The following LRMDA variants were observed in gnomAD, a reference collection of about 807,000 sequenced individuals.
LRMDA encodes leucine rich melanocyte differentiation associated.
A neutral mutation model predicts 29.8 loss-of-function variants in LRMDA; 18 were observed. The ratio of observed to expected loss-of-function variants is 0.60; its 90% CI spans 0.42 to 0.90. LRMDA has a LOEUF of 0.90. LRMDA is among the 40% of genes least tolerant of loss of function. The pLI, the probability that LRMDA is intolerant of heterozygous loss-of-function variation, is 0.00. For missense variants in LRMDA, 273 were observed against 273.9 expected, an observed-to-expected ratio of 1.00 and a Z score of 0.02; for synonymous variants, 125 against 109.4, an observed-to-expected ratio of 1.14 and a Z score of -0.89.
intron 2 of LRMDA, among the ~76,000 whole-genome samples, chr10:75,498,355 G>A (rs1169725923): frequency 6.6e-6 from 1 of 152,202 alleles, no homozygotes; most frequent in African/African-American, 2.4e-5. Flanking sequence ...ACAGTCACTT[G>A]TGATATTGTG....
At chr10:76,301,242 T>G (rs1840476611) in intron 5 of LRMDA, among the ~76,000 whole-genome samples, 1 of 152,234 alleles carries the variant, frequency 6.6e-6, no homozygotes, top group African/African-American at 2.4e-5. Context: ...ATGTTTCTAA[T>G]CAGTATCTTC....
At chr10:76,219,790 C>T (rs1851796229) in intron 5 of LRMDA, among the ~76,000 whole-genome samples, 1 of 152,178 alleles carries the variant, frequency 6.6e-6, no homozygotes, top group South Asian at 2.1e-4. Flanking sequence ...CAGAACTCTC[C>T]ACCCCAAATC....
chr10:76,435,664 G>A (rs1047744064), intron 6 of LRMDA, among the ~76,000 whole-genome samples: 144 of 152,168 alleles, frequency 9.5e-4, no homozygotes, highest in African/African-American at 3.1e-3. Context: ...AATCACCCCC[G>A]CTCATCTTAT....
intron 5 of LRMDA, among the ~76,000 whole-genome samples, chr10:76,178,432 C>T (rs901164540): frequency 1.2e-4 from 18 of 152,146 alleles, no homozygotes; most frequent in African/African-American, 4.3e-4. Flanking sequence ...CACCCATTAG[C>T]ACTGCAGCAT....
intron 2 of LRMDA, among the ~76,000 whole-genome samples, chr10:75,562,129 G>C (rs1840305193): frequency 6.6e-6 from 1 of 151,888 alleles, no homozygotes; most frequent in Non-Finnish European, 1.5e-5. Context: ...TTGACAGTGG[G>C]GTGTTAAAGT....
intron 6 of LRMDA, among the ~76,000 whole-genome samples, chr10:76,556,865 T>C (rs566854492): frequency 6.6e-6 from 1 of 152,318 alleles, no homozygotes. Flanking sequence ...TTTCCATTCT[T>C]TGAAACTCTA....
chr10:76,177,282 A>G (rs1018366720), intron 5 of LRMDA, among the ~76,000 whole-genome samples: 2 of 152,242 alleles, frequency 1.3e-5, no homozygotes, highest in Admixed American at 1.3e-4. Flanking sequence ...GGCTTGCCCA[A>G]GTCAATTCAG....
rs184533767 is a variant in LRMDA, at chr10:76,298,432, C to T, written c.517-25969C>T. Reference sequence around the variant, plus strand: ...TGCCATCCTCTCTCCTTGTCCTTTACTTACTCATTAACTGAGCCTGTGCAA... The same window carrying T: ...TGCCATCCTCTCTCCTTGTCCTTTATTTACTCATTAACTGAGCCTGTGCAA... On this transcript the variant is annotated intron_variant, in intron 5 of 6. Coordinates refer to ENST00000611255, the MANE Select transcript of LRMDA (RefSeq NM_001305581.2). Among the ~76,000 whole-genome samples the T allele has an allele frequency of 5.3e-5, 8 of 152,312 alleles. No individual in the cohort carries two copies. In the East Asian group the frequency reaches 1.5e-3, roughly 29 times the overall value.
chr10:75,673,338 G>A (rs1841923334), intron 2 of LRMDA, among the ~76,000 whole-genome samples: 1 of 152,158 alleles, frequency 6.6e-6, no homozygotes, highest in Admixed American at 6.5e-5. Context: ...CTCCTGAAAT[G>A]CTAAAATCAG....
chr10:76,091,855 T>C (rs539614927), intron 5 of LRMDA, among the ~76,000 whole-genome samples: 1 of 127,670 alleles, frequency 7.8e-6, no homozygotes, highest in East Asian at 2.0e-4. Flanking sequence ...CTGGGTGATT[T>C]AAAAAAAAAA....
chr10:75,996,205 C>CT (rs2132464276), intron 2 of LRMDA, among the ~76,000 whole-genome samples: 1 of 152,178 alleles, frequency 6.6e-6, no homozygotes, highest in East Asian at 1.9e-4. Context: ...TTGTTGAGGC[C>CT]TATTGGAATT....
At chr10:76,299,593 C>A (rs1004512436) in intron 5 of LRMDA, among the ~76,000 whole-genome samples, 2 of 130,598 alleles carry the variant, frequency 1.5e-5, no homozygotes, top group Non-Finnish European at 3.2e-5. Flanking sequence ...TGAACCACCC[C>A]CCTTCCTTTC....
intron 6 of LRMDA, among the ~76,000 whole-genome samples, chr10:76,489,664 G>C (rs1842814030): frequency 6.6e-6 from 1 of 151,788 alleles, no homozygotes; most frequent in South Asian, 2.1e-4. Context: ...TCCCTTGTTA[G>C]TACTGCTGTC....
In LRMDA at chr10:76,497,679, C is replaced by T. The variant is rs556426481; in HGVS notation, c.602-59530C>T. Among the ~76,000 whole-genome samples, 61 of 75,758 alleles carry T rather than the reference C, an allele frequency of 8.1e-4. 19 individuals are homozygous for T. The highest frequency in any genetic ancestry group is 1.9e-3 in the African/African-American group (61 of 31,292). The allele number at this position is 75,758 out of a possible 152,430, so 49.7% of individuals were successfully genotyped here. A position where few individuals can be genotyped will look rare whatever the true frequency, so the allele number is the denominator to read the frequency against. On this transcript the variant is annotated intron_variant, in intron 6 of 6. Coordinates refer to ENST00000611255, the MANE Select transcript of LRMDA (RefSeq NM_001305581.2). ...GGATATTTGCAGCTGAGACTAAGTC[C>T]TAGTGCTTTCTTAATAAAAGCTATG...
intron 2 of LRMDA, among the ~76,000 whole-genome samples, chr10:76,003,984 C>T (rs967273626): frequency 2.0e-5 from 3 of 151,952 alleles, no homozygotes; most frequent in African/African-American, 7.3e-5. Context: ...TGGCTCAAAA[C>T]GTTTGTTGGA....
chr10:76,209,637 T>C (rs1200679102), intron 5 of LRMDA, among the ~76,000 whole-genome samples: 1 of 152,218 alleles, frequency 6.6e-6, no homozygotes, highest in Non-Finnish European at 1.5e-5. Flanking sequence ...ATTTGATCTC[T>C]TCTAAAGTGT....
intron 2 of LRMDA, among the ~76,000 whole-genome samples, chr10:76,012,549 A>C (rs775231524): frequency 2.6e-5 from 4 of 152,146 alleles, no homozygotes; most frequent in African/African-American, 4.8e-5. Flanking sequence ...TTAAATACAT[A>C]GTCCTTTTGG....
intron 2 of LRMDA, among the ~76,000 whole-genome samples, chr10:75,734,311 A>T (rs1842734346): frequency 6.6e-6 from 1 of 152,190 alleles, no homozygotes; most frequent in Non-Finnish European, 1.5e-5. Context: ...GCGTAGAGAA[A>T]ACAATCACCG....
rs548132512 is a variant in LRMDA at position 75,494,046 on chromosome 10, G to A, written c.131+55552G>A. Among the ~76,000 whole-genome samples the A allele has an allele frequency of 5.9e-5, 9 of 152,186 alleles. No individual in the cohort carries two copies. The South Asian group carries it at 6.2e-4, about 11-fold the overall frequency. On this transcript the variant is annotated intron_variant, in intron 2 of 6. Coordinates refer to ENST00000611255, the MANE Select transcript of LRMDA (RefSeq NM_001305581.2). ...TGGGATTACAGGCGTCAGCCACCAC[G>A]CCCAGCCAAATTTACTTGTTTAAAG...
Sources: gnomAD v4.1 joint callset for allele counts (sites outside exome capture counted in the v4.1 genomes callset) on GRCh38, gnomAD v4.1.1 for gene constraint, MANE v1.5 for transcripts, NCBI Gene and HGNC (gene_info 2026-07-23, HGNC 2026-07-21) for gene names.